TOP1: variants seen among roughly 807,000 people sequenced by gnomAD.
TOP1 encodes DNA topoisomerase 1.
Under a neutral mutation model 111.1 loss-of-function variants are expected in TOP1, and 10 were observed. The ratio of observed to expected loss-of-function variants is 0.09; its 90% CI spans 0.06 to 0.15. The LOEUF (loss-of-function observed/expected upper bound fraction) is 0.15, where lower values mean the gene tolerates loss of function less well. Among genes scored for constraint, TOP1 ranks in the 10% least tolerant of loss-of-function variants. The probability of loss-of-function intolerance (pLI) is 1.00; values close to 1 mark genes in which losing one functional copy is unlikely to be tolerated. For missense variants in TOP1, 474 were observed against 926.7 expected (o/e 0.51, Z 6.34); for synonymous variants, 271 against 302.9 (o/e 0.89, Z 1.10).
At chr20:41,088,061 TTCTG>T (rs2033869056) in intron 8 of TOP1, among the ~76,000 whole-genome samples, 1 of 152,230 alleles carries the variant, frequency 6.6e-6, no homozygotes, top group Non-Finnish European at 1.5e-5. Flanking sequence ...GAAACAGATA[TTCTG>T]TCTTTCTGTT....
intron 2 of TOP1, among the ~76,000 whole-genome samples, chr20:41,048,815 T>C (rs1442880018): frequency 1.3e-5 from 2 of 152,314 alleles, no homozygotes; most frequent in East Asian, 3.9e-4. Context: ...ATATAATTAA[T>C]TGGTCCCTGG....
chr20:41,055,319 C>T (rs2033457195), intron 2 of TOP1, among the ~76,000 whole-genome samples: 1 of 152,184 alleles, frequency 6.6e-6, no homozygotes, highest in Non-Finnish European at 1.5e-5. Context: ...GTGGCAGGGT[C>T]CTTCCTCTAA....
rs907005090 is a variant in TOP1 at position 41,118,681 on chromosome 20, T to C, written c.1950+385T>C. ...CATTTCCAAATTAGATTGTTTCAAA[T>C]TGAAAAGATGATGAAACAATTATAT... On this transcript the variant is annotated intron_variant, in intron 18 of 20. Coordinates refer to ENST00000361337, the MANE Select transcript of TOP1 (RefSeq NM_003286.4). The surrounding 1 kb of genome is among the most constrained non-coding windows in gnomAD (Gnocchi z 4.6). Among the ~76,000 whole-genome samples, 2 of 152,252 alleles carry C rather than the reference T, an allele frequency of 1.3e-5. No individual in the cohort carries two copies. Among genetic ancestry groups the C allele is most frequent in the Admixed American group, 1.3e-4 (2 of 15,284 alleles).
In TOP1 at chr20:41,034,078, A is replaced by G. The variant is rs1297926381; in HGVS notation, c.58+4623A>G. Among the ~76,000 whole-genome samples the G allele has an allele frequency of 6.6e-6, 1 of 152,228 alleles. No homozygotes were observed. The highest frequency in any genetic ancestry group is 6.5e-5 in the Admixed American group (1 of 15,280). ...TTTTCTGTGTTGTATGGTTTAGATTATCTGACTATCCCTTAATTATTTTGA... is the reference window on the plus strand; with the variant it reads ...TTTTCTGTGTTGTATGGTTTAGATTGTCTGACTATCCCTTAATTATTTTGA... On this transcript the variant is annotated intron_variant, in intron 2 of 20. Transcript: ENST00000361337. This position sits in a 1 kb window ranked among gnomAD's most constrained non-coding sequence, Gnocchi z 4.0.
chr20:41,047,022 A>G (rs1338381952), intron 2 of TOP1, among the ~76,000 whole-genome samples: 1 of 152,212 alleles, frequency 6.6e-6, no homozygotes, highest in African/African-American at 2.4e-5. Context: ...AGTTAGCAGA[A>G]AGCTGAGGTG....
At chr20:41,054,698 T>A (rs2033448566) in intron 2 of TOP1, among the ~76,000 whole-genome samples, 1 of 152,244 alleles carries the variant, frequency 6.6e-6, no homozygotes, top group Non-Finnish European at 1.5e-5. Context: ...CTTAATGGAT[T>A]GTAAACTCCT....
chr20:41,075,773 G>A (rs1024068323), intron 3 of TOP1, among the ~76,000 whole-genome samples: 1 of 152,180 alleles, frequency 6.6e-6, no homozygotes, highest in African/African-American at 2.4e-5. Flanking sequence ...TACATGTGTG[G>A]TATGTTTCAA....
chr20:41,072,127 A>T, intron 3 of TOP1: 1 of 606,220 alleles, frequency 1.6e-6, no homozygotes, highest in Non-Finnish European at 2.1e-6. Flanking sequence ...GCATTTTTCT[A>T]ATTTAGCCCT....
chr20:41,076,785 G>A (rs1485172731), intron 4 of TOP1, among the ~76,000 whole-genome samples: 1 of 152,110 alleles, frequency 6.6e-6, no homozygotes, highest in Non-Finnish European at 1.5e-5. Context: ...AGTAATTTTT[G>A]TACTTGGTAA....
chr20:41,055,508 A>T (rs2033459399), intron 2 of TOP1, among the ~76,000 whole-genome samples: 1 of 152,196 alleles, frequency 6.6e-6, no homozygotes, highest in African/African-American at 2.4e-5. Flanking sequence ...TCTGACCAAC[A>T]TCTTTAGTCA....
chr20:41,099,508 T>G (rs2034029161), intron 11 of TOP1, among the ~76,000 whole-genome samples: 3 of 151,922 alleles, frequency 2.0e-5, no homozygotes, highest in Admixed American at 2.0e-4. Flanking sequence ...AAACGCAGAG[T>G]CAATAGAGGG....
At chr20:41,050,238 G>A (rs1309894891) in intron 2 of TOP1, among the ~76,000 whole-genome samples, 15 of 152,162 alleles carry the variant, frequency 9.9e-5, no homozygotes, top group Non-Finnish European at 2.2e-4. Flanking sequence ...GGCTGGTCTT[G>A]AACTCCTGAA....
At position 41,030,565 on chromosome 20, in the gene TOP1, C is replaced by G. The variant is rs1057474804; in HGVS notation, c.58+1110C>G. Among the ~76,000 whole-genome samples the G allele has an allele frequency of 5.3e-5, 8 of 152,038 alleles. No individual in the cohort carries two copies. The highest frequency in any genetic ancestry group is 3.4e-3 in the Middle Eastern group (1 of 294). Reference sequence around the variant, plus strand: ...CTTACTGTATTTCCACTTCAGTTACCCAGGGAAGAGTCCTCCAATAAAAAG... The same window carrying G: ...CTTACTGTATTTCCACTTCAGTTACGCAGGGAAGAGTCCTCCAATAAAAAG... On this transcript the variant is annotated intron_variant, in intron 2 of 20. Coordinates refer to ENST00000361337, the MANE Select transcript of TOP1 (RefSeq NM_003286.4). This position sits in a 1 kb window ranked among gnomAD's most constrained non-coding sequence, Gnocchi z 4.1.
intron 2 of TOP1, among the ~76,000 whole-genome samples, chr20:41,056,149 G>A (rs955426666): frequency 1.3e-5 from 2 of 152,154 alleles, no homozygotes; most frequent in Non-Finnish European, 2.9e-5. Context: ...TTACATGGAA[G>A]TACTTCAGTA....
chr20:41,088,993 A>G (rs2033882384), intron 8 of TOP1, among the ~76,000 whole-genome samples: 1 of 141,386 alleles, frequency 7.1e-6, no homozygotes, highest in African/African-American at 2.7e-5. Context: ...GTTATTAACA[A>G]TTCCCCACTT....
intron 13 of TOP1, among the ~76,000 whole-genome samples, chr20:41,105,790 C>T (rs2034136657): frequency 6.6e-6 from 1 of 152,230 alleles, no homozygotes; most frequent in Admixed American, 6.5e-5. Flanking sequence ...CCACCATACC[C>T]TGCCTCTATT....
chr20:41,061,427 G>GAGAACACCGGCACAA lies in TOP1; in HGVS notation c.100_114dup (p.Arg34_His38dup). 2 of 1,613,616 alleles carry GAGAACACCGGCACAA rather than the reference G, an allele frequency of 1.2e-6. No individual in the cohort carries two copies. Among genetic ancestry groups the GAGAACACCGGCACAA allele is most frequent in the Non-Finnish European group, 1.7e-6 (2 of 1,179,750 alleles). On this transcript the variant is annotated inframe_insertion, in exon 3 of 21. Coordinates refer to ENST00000361337, the MANE Select transcript of TOP1 (RefSeq NM_003286.4). This position sits in a 1 kb window ranked among gnomAD's most constrained non-coding sequence, Gnocchi z 4.6. ...AAACACAAAGATAAACACAAAGATC[G>GAGAACACCGGCACAA]AGAACACCGGCACAAAGAACACAAG...
In TOP1 at chr20:41,110,381, A is replaced by G. The variant is rs1340096631; in HGVS notation, c.1309-2401A>G. 6.6e-6 allele frequency among the ~76,000 whole-genome samples: 1 copy of G among 152,232 alleles called. No homozygotes were observed. Among genetic ancestry groups the G allele is most frequent in the Non-Finnish European group, 1.5e-5 (1 of 68,036 alleles). On this transcript the variant is annotated intron_variant, in intron 13 of 20. Coordinates refer to ENST00000361337, the MANE Select transcript of TOP1 (RefSeq NM_003286.4). This position sits in a 1 kb window ranked among gnomAD's most constrained non-coding sequence, Gnocchi z 4.2. The stretch of plus-strand genomic sequence containing the variant: ...CTAGGCAAAATTTATCCATGATGAT[A>G]GTAATCAGATTGAAGGATCAGTGGT...
chr20:41,051,383 T>A (rs924647933), intron 2 of TOP1, among the ~76,000 whole-genome samples: 1 of 152,202 alleles, frequency 6.6e-6, no homozygotes, highest in Non-Finnish European at 1.5e-5. Flanking sequence ...AGGACTCTTC[T>A]TCCTGCCCTG....
Sources: allele counts gnomAD v4.1 joint callset (sites outside exome capture counted in the v4.1 genomes callset), GRCh38; gene constraint gnomAD v4.1.1; non-coding constraint Gnocchi (gnomAD v3.1); transcripts MANE v1.5; gene names NCBI Gene and HGNC (gene_info 2026-07-23, HGNC 2026-07-21).